STARD13: variants seen among roughly 807,000 people sequenced by gnomAD.
STARD13 encodes StAR related lipid transfer domain containing 13.
Under a neutral mutation model 106.4 loss-of-function variants are expected in STARD13, and 62 were observed. The ratio of observed to expected loss-of-function variants is 0.58; its 90% CI spans 0.48 to 0.72. The LOEUF is 0.72. Among genes scored for constraint, STARD13 ranks in the 30% least tolerant of loss-of-function variants. STARD13 has a pLI of 0.00. For synonymous variants in STARD13, 565 were observed against 553.0 expected, an observed-to-expected ratio of 1.02 and a Z score of -0.31; for missense variants, 1,387 against 1,424.0, an observed-to-expected ratio of 0.97 and a Z score of 0.42.
intron 9 of STARD13, 105 bp downstream of exon 9, chr13:33,112,616 T>C (rs1023150589): frequency 1.1e-6 from 1 of 914,712 alleles, no homozygotes; most frequent in East Asian, 2.4e-5. Context: ...TGTCTACCAA[T>C]ATATCCATTC....
At chr13:33,265,421 T>C (rs994271086) in intron 1 of STARD13, among the ~76,000 whole-genome samples, 3 of 152,200 alleles carry the variant, frequency 2.0e-5, no homozygotes, top group South Asian at 2.1e-4. Context: ...AGGTGTCCTA[T>C]AGGGACATTT....
intron 1 of STARD13, among the ~76,000 whole-genome samples, chr13:33,212,204 C>A (rs13378827): frequency 0.094 from 14,258 of 152,158 alleles, 1,379 homozygotes; most frequent in African/African-American, 0.24. Flanking sequence ...CCCTCTGTAC[C>A]TCTCCAATAG....
At chr13:33,657,480 G>T in the STARD13 span, 1 of 152,160 alleles carries the variant, frequency 6.6e-6, no homozygotes, top group Non-Finnish European at 1.5e-5. Flanking sequence ...AGGTATTACA[G>T]GCAGCAGAGG....
chr13:33,642,626 A>G, the STARD13 span, among the ~76,000 whole-genome samples: 2 of 152,158 alleles, frequency 1.3e-5, no homozygotes, highest in African/African-American at 2.4e-5. Context: ...TCTGGACTTC[A>G]GTTTCCTGAT....
chr13:33,610,591 C>A, the STARD13 span, among the ~76,000 whole-genome samples: 1 of 152,356 alleles, frequency 6.6e-6, no homozygotes, highest in East Asian at 1.9e-4. Context: ...GTGGGCCAGG[C>A]CGCTTTGCCT....
chr13:33,263,228 C>A (rs1189614178), intron 1 of STARD13, among the ~76,000 whole-genome samples: 2 of 152,104 alleles, frequency 1.3e-5, no homozygotes, highest in Non-Finnish European at 1.5e-5. Flanking sequence ...GGCCTCTGCC[C>A]ACTAGATGCC....
chr13:33,582,639 G>T, the STARD13 span, among the ~76,000 whole-genome samples: 1 of 152,056 alleles, frequency 6.6e-6, no homozygotes, highest in South Asian at 2.1e-4. Context: ...CCTTTGCCTT[G>T]GAGTACTTTG....
At chr13:33,567,940 T>A in the STARD13 span, among the ~76,000 whole-genome samples, 19 of 148,370 alleles carry the variant, frequency 1.3e-4, 3 homozygotes, top group African/African-American at 4.4e-4. Context: ...GGGCCATATG[T>A]CACCATTAAT....
At chr13:33,537,003 T>C in the STARD13 span, among the ~76,000 whole-genome samples, 1 of 152,220 alleles carries the variant, frequency 6.6e-6, no homozygotes, top group Non-Finnish European at 1.5e-5. Flanking sequence ...CAGATTTTCT[T>C]TTAGGTTATT....
At chr13:33,244,848 T>C (rs1350905788) in intron 1 of STARD13, among the ~76,000 whole-genome samples, 1 of 152,168 alleles carries the variant, frequency 6.6e-6, no homozygotes, top group African/African-American at 2.4e-5. Flanking sequence ...CCTGACCAAA[T>C]TGCCAACATA....
At chr13:33,276,521 C>T (rs1031945978) in intron 1 of STARD13, 1 of 152,074 alleles carries the variant, frequency 6.6e-6, no homozygotes, top group Non-Finnish European at 1.5e-5. Context: ...TGGTATAACT[C>T]TCAGAGGAAA....
Position 33,131,760 on chromosome 13 carries a change from G to A in STARD13, c.388-1471C>T, listed in dbSNP as rs557919428. ...TCAGTTTTAAGACCTGGTTCCAAGT[G>A]TCAGTGATACCAGTTAAGAGCTAGG... On this transcript the variant is annotated intron_variant, in intron 4 of 13. Coordinates refer to ENST00000336934, the MANE Select transcript of STARD13 (RefSeq NM_178006.4). Among the ~76,000 whole-genome samples, 7 of 152,282 alleles carry A rather than the reference G, an allele frequency of 4.6e-5. No homozygotes were observed. In the South Asian group the frequency reaches 1.5e-3, roughly 32 times the overall value.
chr13:33,229,429 G>A (rs775512209), intron 1 of STARD13, among the ~76,000 whole-genome samples: 1 of 152,220 alleles, frequency 6.6e-6, no homozygotes, highest in Non-Finnish European at 1.5e-5. Flanking sequence ...GCAAGACTGC[G>A]TGAGCACTGG....
At chr13:33,673,773 G>A in the STARD13 span, among the ~76,000 whole-genome samples, 1 of 151,876 alleles carries the variant, frequency 6.6e-6, no homozygotes, top group Admixed American at 6.6e-5. Flanking sequence ...CTCCTGTCCT[G>A]TGATCTGCCT....
the STARD13 span, among the ~76,000 whole-genome samples, chr13:33,652,175 G>A: frequency 6.6e-6 from 1 of 152,140 alleles, no homozygotes; most frequent in Non-Finnish European, 1.5e-5. Context: ...AATCTTTCTT[G>A]AACTGAACTG....
chr13:33,551,114 G>A, the STARD13 span, among the ~76,000 whole-genome samples: 25 of 152,284 alleles, frequency 1.6e-4, no homozygotes, highest in Middle Eastern at 6.8e-3. Flanking sequence ...AATGAGTAAG[G>A]CATGTAGGTC....
chr13:33,274,790 CG>C (rs1891335028), intron 1 of STARD13, among the ~76,000 whole-genome samples: 1 of 152,144 alleles, frequency 6.6e-6, no homozygotes, highest in Non-Finnish European at 1.5e-5. Flanking sequence ...GGCTGTTAAA[CG>C]GATATTTGGG....
intron 1 of STARD13, among the ~76,000 whole-genome samples, chr13:33,169,830 T>C (rs1323814493): frequency 4.6e-5 from 7 of 152,100 alleles, no homozygotes; most frequent in African/African-American, 1.7e-4. Context: ...TGTGGTGAGC[T>C]CAGATCCTGA....
At chr13:33,520,458 A>G in the STARD13 span, among the ~76,000 whole-genome samples, 1 of 152,086 alleles carries the variant, frequency 6.6e-6, no homozygotes. Flanking sequence ...AGCCTAGAAT[A>G]GTTCATCCTA....
Sources: allele counts gnomAD v4.1 joint callset (sites outside exome capture counted in the v4.1 genomes callset), GRCh38; gene constraint gnomAD v4.1.1; transcripts MANE v1.5; gene names NCBI Gene and HGNC (gene_info 2026-07-23, HGNC 2026-07-21).